Variants in SCPEP1 observed in about 807,000 individuals in gnomAD.
SCPEP1 encodes the protein retinoid-inducible serine carboxypeptidase.
SCPEP1 carries 51 observed loss-of-function variants against 63.8 expected under a neutral mutation model. The ratio of observed to expected loss-of-function variants is 0.80; its 90% CI spans 0.64 to 1.01. The LOEUF is 1.01. Ranked by LOEUF, SCPEP1 falls within the 50% of genes least tolerant of loss-of-function variation. SCPEP1 has a pLI of 0.00. For synonymous variants in SCPEP1, 204 were observed against 207.8 expected, an observed-to-expected ratio of 0.98 and a Z score of 0.16; for missense variants, 499 against 554.9, an observed-to-expected ratio of 0.90 and a Z score of 1.01.
intron 9 of SCPEP1, chr17:56,998,174 G>A: frequency 2.2e-6 from 1 of 450,312 alleles, no homozygotes; most frequent in East Asian, 4.3e-5. Flanking sequence ...AGCTGGGCAT[G>A]GTGGCGGGTG....
rs1414519099 is a variant in SCPEP1, at chr17:56,978,182, C to T, written c.23C>T (p.Ser8Phe). Residue 8 changes from serine (S) to phenylalanine (F), a missense_variant, in exon 1 of 13, where the codon TCT becomes TTT. By Grantham distance (155) the Ser-to-Phe change is radical. Coordinates refer to ENST00000262288, the MANE Select transcript of SCPEP1 (RefSeq NM_021626.3). ...GTCATGGAGCTGGCACTGCGGCGCT[C>T]TCCCGTCCCGCGGTGGTTGCTGCTG... Reference protein sequence around the residue: MELALRRSPVPRWLLLLP... With the variant: MELALRRFPVPRWLLLLP... 2 of 1,558,426 alleles carry T rather than the reference C, an allele frequency of 1.3e-6. No individual in the cohort carries two copies. The highest frequency in any genetic ancestry group is 1.7e-5 in the Admixed American group (1 of 57,586).
chr17:56,981,716 G>C (rs1315895227), intron 2 of SCPEP1, among the ~76,000 whole-genome samples: 4 of 152,202 alleles, frequency 2.6e-5, no homozygotes, highest in Non-Finnish European at 5.9e-5. Flanking sequence ...CAGCTACTCA[G>C]ATGGTTGAGG....
chr17:57,001,076 C>A, intron 11 of SCPEP1, 84 bp downstream of exon 11: 2 of 1,428,414 alleles, frequency 1.4e-6, no homozygotes, highest in Admixed American at 1.7e-5. Context: ...GTCAGTCTTG[C>A]GGTGGGTGAT....
chr17:57,002,744 G>A (rs754703824), intron 12 of SCPEP1, among the ~76,000 whole-genome samples: 1 of 151,940 alleles, frequency 6.6e-6, no homozygotes, highest in Non-Finnish European at 1.5e-5. Context: ...GGTGGCGCAT[G>A]CCTGTGGTCT....
intron 2 of SCPEP1, chr17:56,984,446 A>C (rs927920601): frequency 6.6e-6 from 1 of 152,146 alleles, no homozygotes; most frequent in African/African-American, 2.4e-5. Flanking sequence ...TAGAAAGCCC[A>C]CCCAACCTGT....
rs1397219647 is a variant in SCPEP1, at chr17:57,006,261, G to A, written c.*26G>A. On this transcript the variant is annotated 3_prime_UTR_variant, in exon 13 of 13. Coordinates refer to ENST00000262288, the MANE Select transcript of SCPEP1 (RefSeq NM_021626.3). ...GATGGATGGGGCTGGAGATGAGCTG[G>A]TTTGGCCTTGGGGCACAGAGCTGAG... is the stretch of plus-strand genomic sequence containing the variant. 2 of 1,600,760 alleles carry A rather than the reference G, an allele frequency of 1.2e-6. No individual in the cohort carries two copies. The highest frequency in any genetic ancestry group is 4.5e-5 in the East Asian group (2 of 44,132).
intron 1 of SCPEP1, among the ~76,000 whole-genome samples, chr17:56,979,255 C>T (rs568772159): frequency 1.3e-5 from 2 of 152,266 alleles, no homozygotes; most frequent in East Asian, 3.9e-4. Context: ...TCCCAAGTAG[C>T]CCGGACTGCA....
Position 57,002,545 on chromosome 17 carries a change from GTC to G in SCPEP1, c.1296+368_1296+369del, listed in dbSNP as rs376666870. On this transcript the variant is annotated intron_variant, in intron 12 of 12. Transcript: ENST00000262288. ...AGCCTTCGCAACGTGGCGAAACCCTGTCTCTACAAAAATTTACCAGGTGTGGT... is the reference window on the plus strand; with the variant it reads ...AGCCTTCGCAACGTGGCGAAACCCTGTCTACAAAAATTTACCAGGTGTGGT... Among the ~76,000 whole-genome samples the G allele has an allele frequency of 9.9e-5, 15 of 152,268 alleles. 1 individual carries two copies. The highest frequency in any genetic ancestry group is 9.7e-4 in the East Asian group (5 of 5,174).
At chr17:56,999,082 C>T (rs1046518320) in intron 10 of SCPEP1, among the ~76,000 whole-genome samples, 13 of 152,104 alleles carry the variant, frequency 8.5e-5, no homozygotes, top group Non-Finnish European at 1.5e-4. Flanking sequence ...ATGGGTACAT[C>T]GGAGCATTGT....
chr17:56,980,285 T>C (rs1240822464), intron 1 of SCPEP1, among the ~76,000 whole-genome samples: 1 of 152,158 alleles, frequency 6.6e-6, no homozygotes, highest in Non-Finnish European at 1.5e-5. Flanking sequence ...CAGCTAATTT[T>C]TGCATTTTTT....
Position 56,995,533 on chromosome 17 carries a change from A to G in SCPEP1, c.684A>G (p.Ala228=). 6.2e-7 allele frequency: 1 copy of G among 1,613,906 alleles called. No individual in the cohort carries two copies. The highest frequency in any genetic ancestry group is 8.5e-7 in the Non-Finnish European group (1 of 1,179,934). ...SMSLLEDKGL[A]EVSKVAEQVL... is the part of the protein sequence containing the mutation. The stretch of plus-strand genomic sequence containing the variant: ...CTCTTCTCGAAGACAAAGGTCTGGC[A>G]GAGGTGTCTAAGGTTGCAGAGCAAG... Residue 228 remains alanine, a synonymous_variant, in exon 8 of 13, where the codon GCA becomes GCG. Transcript: ENST00000262288.
chr17:57,000,993 G>A lies in SCPEP1; in HGVS notation c.1132+1G>A. ...CTGGATCTCATCGTAGATACCATGGGTAGGAATTGACTCTGAGAGGCACCT... is the reference window on the plus strand; with the variant it reads ...CTGGATCTCATCGTAGATACCATGGATAGGAATTGACTCTGAGAGGCACCT... On this transcript the variant is annotated splice_donor_variant, in intron 11 of 12. Coordinates refer to ENST00000262288, the MANE Select transcript of SCPEP1 (RefSeq NM_021626.3). LOFTEE classifies it high-confidence loss of function. 2 of 1,614,180 alleles carry A rather than the reference G, an allele frequency of 1.2e-6. No individual in the cohort carries two copies. Among genetic ancestry groups the A allele is most frequent in the Non-Finnish European group, 1.7e-6 (2 of 1,180,020 alleles).
At chr17:57,004,152 T>C (rs555422586) in intron 12 of SCPEP1, among the ~76,000 whole-genome samples, 16 of 152,284 alleles carry the variant, frequency 1.1e-4, no homozygotes, top group African/African-American at 3.4e-4. Context: ...TGAGCCAAGA[T>C]AGTGCCATTG....
At chr17:56,984,904 G>C (rs1376405682) in intron 2 of SCPEP1, 1 of 170,512 alleles carries the variant, frequency 5.9e-6, no homozygotes, top group African/African-American at 2.4e-5. Context: ...TTTGAGACCA[G>C]CCTGGGCAAC....
chr17:56,987,482 C>G (rs1285003782), intron 3 of SCPEP1: 2 of 342,898 alleles, frequency 5.8e-6, no homozygotes, highest in Non-Finnish European at 1.0e-5. Flanking sequence ...TTTTTTTTTG[C>G]GGCGGCGGGG....
At chr17:56,998,964 G>GA (rs934435231) in intron 10 of SCPEP1, among the ~76,000 whole-genome samples, 3 of 151,530 alleles carry the variant, frequency 2.0e-5, no homozygotes, top group Non-Finnish European at 2.9e-5. Context: ...TTAAAAAGGG[G>GA]AAAAAAAAGA....
rs763676170 is a variant in SCPEP1 at position 56,997,095 on chromosome 17, C to T, written c.880+40C>T. 1.8e-5 allele frequency: 23 copies of T among 1,255,988 alleles called. 2 individuals are homozygous for T. In the South Asian group the frequency reaches 2.6e-4, roughly 14 times the overall value. The allele number at this position is 1,255,988 out of a possible 1,614,324, so 77.8% of individuals were successfully genotyped here. A position where few individuals can be genotyped will look rare whatever the true frequency, so the allele number is the denominator to read the frequency against. ...AAGTTATTAAAGTCCCTGCCTCAGC[C>T]TCCATGCAAAAAGAAACCTGTTTAT... On this transcript the variant is annotated intron_variant, in intron 9 of 12. Transcript: ENST00000262288.
chr17:56,985,737 A>G (rs1911196318), intron 3 of SCPEP1, among the ~76,000 whole-genome samples: 2 of 152,026 alleles, frequency 1.3e-5, no homozygotes, highest in African/African-American at 2.4e-5. Flanking sequence ...TACAGCAGAC[A>G]CCTGGGACCC....
chr17:57,006,600 C>T lies in SCPEP1; in HGVS notation c.*365C>T, dbSNP rs2144516379. On this transcript the variant is annotated 3_prime_UTR_variant, in exon 13 of 13. Transcript: ENST00000262288. ...TATACCCCCTTCCCAGGGGTAAGCACTGTTACCAATTTAGCATATGTCCTT... is the reference window on the plus strand; with the variant it reads ...TATACCCCCTTCCCAGGGGTAAGCATTGTTACCAATTTAGCATATGTCCTT... The T allele has an allele frequency of 6.2e-6, 1 of 160,598 alleles. No homozygotes were observed. The highest frequency in any genetic ancestry group is 1.4e-5 in the Non-Finnish European group (1 of 73,770). 9.9% of individuals were successfully genotyped at this position (160,598 alleles called of 1,614,324 possible). A position where few individuals can be genotyped will look rare whatever the true frequency, so the allele number is the denominator to read the frequency against.
Sources: allele counts gnomAD v4.1 joint callset (sites outside exome capture counted in the v4.1 genomes callset), GRCh38; gene constraint gnomAD v4.1.1; transcripts MANE v1.5; gene names NCBI Gene and HGNC (gene_info 2026-07-23, HGNC 2026-07-21).